Variants in DNAJC11 observed in about 807,000 individuals in gnomAD.
DNAJC11 encodes dnaJ homolog subfamily C member 11.
DNAJC11 carries 15 observed loss-of-function variants against 78.6 expected under a neutral mutation model. The ratio of observed to expected loss-of-function variants is 0.19; its 90% CI spans 0.13 to 0.29. DNAJC11 has a LOEUF of 0.29. Ranked by LOEUF, DNAJC11 falls within the 10% of genes least tolerant of loss-of-function variation. The pLI, the probability that DNAJC11 is intolerant of heterozygous loss-of-function variation, is 1.00. For synonymous variants in DNAJC11, 292 were observed against 272.1 expected (o/e 1.07, Z -0.72); for missense variants, 547 against 709.6 (o/e 0.77, Z 2.60).
chr1:6,677,256 AAC>A, intron 3 of DNAJC11, among the ~76,000 whole-genome samples: 1 of 152,134 alleles, frequency 6.6e-6, no homozygotes, highest in East Asian at 1.9e-4. Flanking sequence ...AATGTTATTA[AAC>A]AGACTAGCAA....
At chr1:6,693,834 ATT>A (rs34877805) in intron 1 of DNAJC11, among the ~76,000 whole-genome samples, 395 of 101,188 alleles carry the variant, frequency 3.9e-3, no homozygotes, top group African/African-American at 0.014. Flanking sequence ...AAGTACCCCC[ATT>A]TTTTTTTTTT....
chr1:6,701,628 C>G, intron 1 of DNAJC11, 101 bp downstream of exon 1: 5 of 1,284,068 alleles, frequency 3.9e-6, no homozygotes, highest in Admixed American at 2.9e-5. Context: ...CCGACGGACC[C>G]GAGCCTCCCG....
chr1:6,690,916 G>T (rs771650736), intron 1 of DNAJC11, among the ~76,000 whole-genome samples: 2 of 152,178 alleles, frequency 1.3e-5, no homozygotes, highest in Non-Finnish European at 2.9e-5. Context: ...ACTGATTTTG[G>T]AAGTTTGGCT....
chr1:6,674,804 G>C lies in DNAJC11; in HGVS notation c.276+3590C>G, dbSNP rs531783280. ...TTTTGTACATTCTAAAGAAGCTCCA[G>C]GGTTGGGGAGTGATTTCTAGTTGGT... On this transcript the variant is annotated intron_variant, in intron 3 of 15. Coordinates refer to ENST00000377577, the MANE Select transcript of DNAJC11 (RefSeq NM_018198.4). Among the ~76,000 whole-genome samples the C allele has an allele frequency of 2.0e-5, 3 of 152,268 alleles. 1 individual carries two copies. The South Asian group carries it at 6.2e-4, about 32-fold the overall frequency.
chr1:6,634,480 G>C lies in DNAJC11; in HGVS notation c.*1195C>G. On this transcript the variant is annotated 3_prime_UTR_variant, in exon 16 of 16. Transcript: ENST00000377577. ...GGCCTGACTTCAGCAACAGCTGTGG[G>C]TGGGCTGGAGGCCGGCGCAGCTTGG... 2 of 1,327,380 alleles carry C rather than the reference G, an allele frequency of 1.5e-6. No homozygotes were observed. The highest frequency in any genetic ancestry group is 2.0e-6 in the Non-Finnish European group (2 of 1,002,020). The allele number at this position is 1,327,380 out of a possible 1,614,324, so 82.2% of individuals were successfully genotyped here.
intron 1 of DNAJC11, among the ~76,000 whole-genome samples, chr1:6,690,693 G>C (rs1305266507): frequency 2.6e-5 from 4 of 152,216 alleles, no homozygotes; most frequent in Non-Finnish European, 5.9e-5. Flanking sequence ...GGGAGGCTGA[G>C]GTGGGCGGAT....
At chr1:6,635,811 A>G in intron 15 of DNAJC11, 111 bp from the exon 16 acceptor site, 8 of 1,334,400 alleles carry the variant, frequency 6.0e-6, no homozygotes, top group Non-Finnish European at 8.5e-6. Context: ...GGCCCAGGCG[A>G]GGCAGAGCAC....
rs763331272 is a variant in DNAJC11 at position 6,645,150 on chromosome 1, A to G, written c.895-24T>C. The G allele has an allele frequency of 2.5e-5, 39 of 1,590,664 alleles. No individual in the cohort carries two copies. The Admixed American group carries it at 6.0e-4, about 25-fold the overall frequency. On this transcript the variant is annotated intron_variant, in intron 8 of 15. Coordinates refer to ENST00000377577, the MANE Select transcript of DNAJC11 (RefSeq NM_018198.4). The surrounding 1 kb of genome is among the most constrained non-coding windows in gnomAD (Gnocchi z 4.1). ...AGCTGGGGAGACAGAGGGTGCAAGG[A>G]TGCGTGGCTAGGGCGTGTGACTCTG...
At chr1:6,695,940 TC>T (rs1319103253) in intron 1 of DNAJC11, among the ~76,000 whole-genome samples, 1 of 152,222 alleles carries the variant, frequency 6.6e-6, no homozygotes, top group African/African-American at 2.4e-5. Flanking sequence ...CCTCCCTCTA[TC>T]CCATTGTTAA....
Position 6,667,109 on chromosome 1 carries a change from A to G in DNAJC11, c.378+600T>C, listed in dbSNP as rs59189548. On this transcript the variant is annotated intron_variant, in intron 4 of 15. Coordinates refer to ENST00000377577, the MANE Select transcript of DNAJC11 (RefSeq NM_018198.4). ...GAAAAGTAACTCTGACTCAGTATTT[A>G]AAGGACTTAAACTCCATCGGTGATC... Among the ~76,000 whole-genome samples, 257 of 152,322 alleles carry G rather than the reference A, an allele frequency of 1.7e-3. 1 individual carries two copies. Among genetic ancestry groups the G allele is most frequent in the African/African-American group, 6.0e-3 (248 of 41,576 alleles).
rs565463261 is a variant in DNAJC11, at chr1:6,645,885, G to A, written c.798C>T (p.Thr266=). The change falls in exon 8 of 16, where the codon ACC becomes ACT. Residue 266 remains threonine, a synonymous_variant. Transcript: ENST00000377577. This position sits in a 1 kb window ranked among gnomAD's most constrained non-coding sequence, Gnocchi z 4.1. The part of the protein sequence containing the change: ...TVLARNLDKN[T]VGYLQWRWGI... ...CCCATCGCCACTGCAGGTAGCCCACGGTGTTCTTGTCTAGGTTCCGAGCTA... is the reference window on the plus strand; with the variant it reads ...CCCATCGCCACTGCAGGTAGCCCACAGTGTTCTTGTCTAGGTTCCGAGCTA... 58 of 1,614,178 alleles carry A rather than the reference G, an allele frequency of 3.6e-5. No individual in the cohort carries two copies. Among genetic ancestry groups the A allele is most frequent in the East Asian group, 2.0e-4 (9 of 44,886 alleles).
intron 3 of DNAJC11, 59 bp downstream of exon 3, chr1:6,678,335 A>T: frequency 2.1e-6 from 3 of 1,437,292 alleles, no homozygotes; most frequent in Non-Finnish European, 2.9e-6. Flanking sequence ...GGTTTTGGGG[A>T]GATGTTCTGT....
chr1:6,685,989 C>T (rs1042358753), intron 1 of DNAJC11, among the ~76,000 whole-genome samples: 2 of 152,124 alleles, frequency 1.3e-5, no homozygotes, highest in African/African-American at 2.4e-5. Context: ...GTTCTATTTG[C>T]GGTGATGTCT....
At chr1:6,678,057 C>A (rs1642497899) in intron 3 of DNAJC11, among the ~76,000 whole-genome samples, 1 of 152,200 alleles carries the variant, frequency 6.6e-6, no homozygotes, top group Non-Finnish European at 1.5e-5. Flanking sequence ...GAACTGCACC[C>A]TTGAAGAAAT....
chr1:6,648,312 C>A (rs1274430986), intron 7 of DNAJC11, among the ~76,000 whole-genome samples: 1 of 152,140 alleles, frequency 6.6e-6, no homozygotes, highest in Non-Finnish European at 1.5e-5. Flanking sequence ...CCCACCACCA[C>A]GCCTGGCTAA....
At chr1:6,651,211 A>G in intron 7 of DNAJC11, 1 of 589,592 alleles carries the variant, frequency 1.7e-6, no homozygotes, top group Non-Finnish European at 3.4e-6. Context: ...ATAAGTCTGT[A>G]AGTGTTTCGG....
rs1463107610 is a variant in DNAJC11 at position 6,649,317 on chromosome 1, C to A, written c.704+2212G>T. 2.0e-5 allele frequency among the ~76,000 whole-genome samples: 3 copies of A among 151,766 alleles called. No homozygotes were observed. In the East Asian group the frequency reaches 5.9e-4, roughly 30 times the overall value. On this transcript the variant is annotated intron_variant, in intron 7 of 15. Coordinates refer to ENST00000377577, the MANE Select transcript of DNAJC11 (RefSeq NM_018198.4). ...CCCGAGTAGCTGGGACTAAAGGCGCCCGCCACCGCTCCCGGCTAATTCTTT... is the reference window on the plus strand; with the variant it reads ...CCCGAGTAGCTGGGACTAAAGGCGCACGCCACCGCTCCCGGCTAATTCTTT...
intron 2 of DNAJC11, among the ~76,000 whole-genome samples, chr1:6,678,998 C>G (rs1642513940): frequency 6.6e-6 from 1 of 152,140 alleles, no homozygotes; most frequent in South Asian, 2.1e-4. Context: ...GTCAGATTTT[C>G]CAGTGTCCAA....
Position 6,645,090 on chromosome 1 carries a change from G to C in DNAJC11, c.931C>G (p.Gln311Glu). Residue 311 changes from glutamine (Q) to glutamate (E), a missense_variant, in exon 9 of 16, where the codon CAG (glutamine) becomes GAG (glutamate). Gln to Glu is a conservative substitution (Grantham distance 29, BLOSUM62 2). Transcript: ENST00000377577. The surrounding 1 kb of genome is among the most constrained non-coding windows in gnomAD (Gnocchi z 4.1). The stretch of plus-strand genomic sequence containing the variant: ...TGATCGTCATCTTGGAATTTGTGCT[G>C]ATAGCTGATCAGTGCAAAGGAGTGA... ...IPHSFALISY[Q>E]HKFQDDDQTR... 4 of 1,614,068 alleles carry C rather than the reference G, an allele frequency of 2.5e-6. No homozygotes were observed. The highest frequency in any genetic ancestry group is 3.4e-6 in the Non-Finnish European group (4 of 1,179,962).
Sources: gnomAD v4.1 joint callset for allele counts (sites outside exome capture counted in the v4.1 genomes callset) on GRCh38, gnomAD v4.1.1 for gene constraint, Gnocchi (gnomAD v3.1) non-coding constraint, MANE v1.5 for transcripts, NCBI Gene and HGNC (gene_info 2026-07-23, HGNC 2026-07-21) for gene names.